PRSS23: variants seen among roughly 807,000 people sequenced by gnomAD.
The protein encoded by PRSS23 is protease, serine 23.
Under a neutral mutation model 34.7 loss-of-function variants are expected in PRSS23, and 25 were observed. That is an observed-to-expected ratio of 0.72 (90% CI 0.53 to 1.01). The LOEUF is 1.01. Among genes scored for constraint, PRSS23 ranks in the 50% least tolerant of loss-of-function variants. PRSS23 has a pLI of 0.00. For missense variants in PRSS23, 445 were observed against 475.6 expected (o/e 0.94, Z 0.60); for synonymous variants, 176 against 186.6 (o/e 0.94, Z 0.46).
intron 2 of PRSS23, among the ~76,000 whole-genome samples, chr11:86,919,386 C>T (rs1184455873): frequency 6.6e-6 from 1 of 152,270 alleles, no homozygotes; most frequent in Non-Finnish European, 1.5e-5. Flanking sequence ...GTTGTGGGCA[C>T]TGGCATCTTA....
intron 2 of PRSS23, among the ~76,000 whole-genome samples, chr11:86,938,576 G>A (rs1949179997): frequency 6.6e-6 from 1 of 152,188 alleles, no homozygotes; most frequent in Admixed American, 6.5e-5. Flanking sequence ...GTGGCTGGAA[G>A]AGAGGGGAAG....
chr11:86,866,910 G>A (rs55881157), intron 2 of PRSS23, among the ~76,000 whole-genome samples: 19,105 of 152,162 alleles, frequency 0.13, 1,416 homozygotes, highest in East Asian at 0.19. Context: ...TGGGGCCTTC[G>A]CCAGGTGCAA....
intron 2 of PRSS23, among the ~76,000 whole-genome samples, chr11:86,861,643 A>T (rs1024739985): frequency 2.0e-5 from 3 of 151,426 alleles, no homozygotes; most frequent in Admixed American, 6.6e-5. Context: ...TACTCTTCAT[A>T]TTGCAGGGAG....
At chr11:86,910,787 C>T (rs1247600639) in intron 2 of PRSS23, 2 of 152,112 alleles carry the variant, frequency 1.3e-5, no homozygotes, top group African/African-American at 4.8e-5. Flanking sequence ...ACCAAGTTCT[C>T]CCACTTTAAT....
At chr11:86,847,479 G>GA (rs1336927589) in intron 2 of PRSS23, among the ~76,000 whole-genome samples, 1 of 152,170 alleles carries the variant, frequency 6.6e-6, no homozygotes, top group Non-Finnish European at 1.5e-5. Context: ...TAGATGGAGA[G>GA]CTCAGGAAAA....
rs572738079 is a variant in PRSS23 at position 86,872,053 on chromosome 11, A to G, written c.206+48460A>G. 6.6e-5 allele frequency among the ~76,000 whole-genome samples: 10 copies of G among 152,336 alleles called. No homozygotes were observed. The South Asian group carries it at 1.9e-3, about 28-fold the overall frequency. ...CCAGGGGCAAATCCTGCCACTTACA[A>G]TTAGCAGTAAGGGGTGTTCAGCAAT... is the stretch of plus-strand genomic sequence containing the variant. On this transcript the variant is annotated intron_variant, in intron 2 of 2. Transcript: ENST00000533902.
At chr11:86,938,430 A>C (rs1949178930) in intron 2 of PRSS23, among the ~76,000 whole-genome samples, 1 of 152,178 alleles carries the variant, frequency 6.6e-6, no homozygotes, top group Non-Finnish European at 1.5e-5. Flanking sequence ...CAGAAGGGCC[A>C]CGGAGTGAAA....
chr11:86,869,317 T>A (rs1246043021), intron 2 of PRSS23, among the ~76,000 whole-genome samples: 2 of 152,204 alleles, frequency 1.3e-5, no homozygotes, highest in Admixed American at 1.3e-4. Flanking sequence ...CCATGATACA[T>A]GAAGTTCACA....
chr11:86,802,659 A>G (rs1948053742), intron 1 of PRSS23, among the ~76,000 whole-genome samples: 1 of 152,140 alleles, frequency 6.6e-6, no homozygotes, highest in Non-Finnish European at 1.5e-5. Flanking sequence ...GGAATTCACA[A>G]TTTGTACAAT....
At chr11:86,925,887 A>G (rs567746167) in intron 2 of PRSS23, among the ~76,000 whole-genome samples, 1 of 152,286 alleles carries the variant, frequency 6.6e-6, no homozygotes, top group East Asian at 1.9e-4. Flanking sequence ...TGGCTGTTTG[A>G]CCTTCAAGTA....
intron 1 of PRSS23, among the ~76,000 whole-genome samples, chr11:86,794,768 T>C (rs1947970480): frequency 6.6e-6 from 1 of 152,184 alleles, no homozygotes; most frequent in Non-Finnish European, 1.5e-5. Context: ...CTTGTTAGAT[T>C]TGTTTTTATT....
intron 2 of PRSS23, among the ~76,000 whole-genome samples, chr11:86,917,879 G>A (rs1259110100): frequency 6.6e-6 from 1 of 152,136 alleles, no homozygotes; most frequent in Non-Finnish European, 1.5e-5. Flanking sequence ...CCAAGCACAG[G>A]AAATTAATAG....
chr11:86,909,968 AAC>A (rs756671973), intron 2 of PRSS23: 2 of 152,202 alleles, frequency 1.3e-5, no homozygotes, highest in African/African-American at 2.4e-5. Flanking sequence ...GCTACTCATC[AAC>A]ACTCTTTTCA....
intron 2 of PRSS23, among the ~76,000 whole-genome samples, chr11:86,907,235 T>G (rs898042762): frequency 6.6e-6 from 1 of 152,228 alleles, no homozygotes; most frequent in African/African-American, 2.4e-5. Context: ...TGGATAATGT[T>G]GGACATATGC....
At chr11:86,823,732 C>T (rs891186326) in intron 2 of PRSS23, 10 of 627,096 alleles carry the variant, frequency 1.6e-5, no homozygotes, top group South Asian at 5.4e-5. Context: ...GCAGGCCGGG[C>T]GCGGTGGCTC....
intron 2 of PRSS23, chr11:86,832,516 A>T (rs55654337): frequency 1.1e-5 from 3 of 284,208 alleles, no homozygotes; most frequent in Non-Finnish European, 2.1e-5. Flanking sequence ...AGATAATAAA[A>T]TAATGAGATT....
At chr11:86,950,238 C>T (rs1390567533) in intron 2 of PRSS23, 1 of 152,658 alleles carries the variant, frequency 6.6e-6, no homozygotes, top group African/African-American at 2.4e-5. Flanking sequence ...TAAGTCCCCA[C>T]TGCTCAATGC....
At chr11:86,851,725 C>T (rs146141420) in intron 2 of PRSS23, among the ~76,000 whole-genome samples, 1 of 152,288 alleles carries the variant, frequency 6.6e-6, no homozygotes, top group African/African-American at 2.4e-5. Flanking sequence ...GCTGCATAGA[C>T]CACAGAGCTA....
intron 2 of PRSS23, among the ~76,000 whole-genome samples, chr11:86,897,544 C>T (rs532394126): frequency 5.3e-5 from 8 of 152,346 alleles, no homozygotes; most frequent in Admixed American, 2.6e-4. Flanking sequence ...ATAATCATAT[C>T]TCACTGCAGC....
Sources: allele counts gnomAD v4.1 joint callset (sites outside exome capture counted in the v4.1 genomes callset), GRCh38; gene constraint gnomAD v4.1.1; transcripts MANE v1.5; gene names NCBI Gene and HGNC (gene_info 2026-07-23, HGNC 2026-07-21).